The following HNF4G variants were observed in gnomAD, a reference collection of about 807,000 sequenced individuals.
HNF4G encodes the protein hepatocyte nuclear factor 4 gamma.
A neutral mutation model predicts 50.9 loss-of-function variants in HNF4G; 21 were observed. The ratio of observed to expected loss-of-function variants is 0.41; its 90% CI spans 0.29 to 0.59. The LOEUF is 0.59. HNF4G is among the 20% of genes least tolerant of loss of function. The probability of loss-of-function intolerance (pLI) is 0.26; values close to 1 mark genes in which losing one functional copy is unlikely to be tolerated. For missense variants in HNF4G, 527 were observed against 559.4 expected (o/e 0.94, Z 0.58); for synonymous variants, 198 against 185.6 (o/e 1.07, Z -0.54).
intron 2 of HNF4G, among the ~76,000 whole-genome samples, chr8:75,529,968 C>T (rs1341657214): frequency 6.6e-6 from 1 of 152,086 alleles, no homozygotes; most frequent in Non-Finnish European, 1.5e-5. Flanking sequence ...GGCGGTAAGG[C>T]CAGGAGGGTA....
intron 1 of HNF4G, among the ~76,000 whole-genome samples, chr8:75,412,558 T>C (rs1810525239): frequency 6.6e-6 from 1 of 152,174 alleles, no homozygotes; most frequent in Non-Finnish European, 1.5e-5. Flanking sequence ...TTTAAAAGTA[T>C]CATTATTTAA....
Position 75,566,683 on chromosome 8 carries a change from A to G in HNF4G, c.*2587A>G, listed in dbSNP as rs183929234. On this transcript the variant is annotated 3_prime_UTR_variant, in exon 10 of 10. Coordinates refer to ENST00000396423, the MANE Select transcript of HNF4G (RefSeq NM_004133.5). Reference sequence around the variant, plus strand: ...TATTGTGAAATAATTCATTTTATAAATGTATAATTATTTTTATAAATTTTA... The same window carrying G: ...TATTGTGAAATAATTCATTTTATAAGTGTATAATTATTTTTATAAATTTTA... 2.0e-5 allele frequency: 3 copies of G among 152,470 alleles called. No homozygotes were observed. Among genetic ancestry groups the G allele is most frequent in the Admixed American group, 2.0e-4 (3 of 15,290 alleles). The allele number at this position is 152,470 out of a possible 1,614,324, so 9.4% of individuals were successfully genotyped here.
intron 1 of HNF4G, among the ~76,000 whole-genome samples, chr8:75,408,935 G>GT (rs1810427645): frequency 6.6e-6 from 1 of 152,164 alleles, no homozygotes; most frequent in African/African-American, 2.4e-5. Flanking sequence ...AATTTTACAG[G>GT]TTTCCCTTCT....
chr8:75,488,355 C>A (rs570825631), intron 1 of HNF4G, among the ~76,000 whole-genome samples: 137 of 152,190 alleles, frequency 9.0e-4, no homozygotes, highest in Non-Finnish European at 1.6e-3. Context: ...CTCACTGCAA[C>A]CTTTGCCTCC....
intron 1 of HNF4G, among the ~76,000 whole-genome samples, chr8:75,422,834 C>A (rs71529205): frequency 0.044 from 6,680 of 152,160 alleles, 194 homozygotes; most frequent in Non-Finnish European, 0.062. Flanking sequence ...CGGGGTTTCA[C>A]CGTGTTAGCC....
At chr8:75,411,323 T>G (rs1410178809) in intron 1 of HNF4G, among the ~76,000 whole-genome samples, 1 of 152,228 alleles carries the variant, frequency 6.6e-6, no homozygotes, top group Non-Finnish European at 1.5e-5. Flanking sequence ...GGGAAGGCAC[T>G]TTTCTAGGCC....
At chr8:75,445,726 C>G (rs1461272930) in intron 1 of HNF4G, among the ~76,000 whole-genome samples, 1 of 142,170 alleles carries the variant, frequency 7.0e-6, no homozygotes. Flanking sequence ...CAAGACTAAA[C>G]CAGGAAGAAG....
chr8:75,441,800 C>T (rs1811293090), intron 1 of HNF4G, among the ~76,000 whole-genome samples: 1 of 152,202 alleles, frequency 6.6e-6, no homozygotes, highest in African/African-American at 2.4e-5. Flanking sequence ...AATCAGCGAA[C>T]TGGCTTGGGT....
At chr8:75,530,834 C>G (rs918734007) in intron 2 of HNF4G, among the ~76,000 whole-genome samples, 2 of 147,156 alleles carry the variant, frequency 1.4e-5, no homozygotes, top group Non-Finnish European at 3.0e-5. Flanking sequence ...ACTCTGTCAC[C>G]CAGGCTGGAG....
At chr8:75,560,075 G>A (rs971784458) in intron 8 of HNF4G, among the ~76,000 whole-genome samples, 2 of 152,094 alleles carry the variant, frequency 1.3e-5, no homozygotes, top group Admixed American at 6.6e-5. Flanking sequence ...TTAACAACAG[G>A]CAGCGAACCT....
chr8:75,493,100 T>C (rs978548022), intron 2 of HNF4G, among the ~76,000 whole-genome samples: 1 of 152,132 alleles, frequency 6.6e-6, no homozygotes, highest in Non-Finnish European at 1.5e-5. Context: ...TAAATATGTG[T>C]AAAAATATGT....
intron 2 of HNF4G, among the ~76,000 whole-genome samples, chr8:75,547,090 C>T (rs1304199196): frequency 2.0e-5 from 3 of 152,092 alleles, no homozygotes; most frequent in African/African-American, 4.8e-5. Context: ...GCCAACTGTA[C>T]TCTCAATGTT....
At chr8:75,426,862 C>T (rs975285339) in intron 1 of HNF4G, among the ~76,000 whole-genome samples, 3 of 152,118 alleles carry the variant, frequency 2.0e-5, no homozygotes, top group Non-Finnish European at 4.4e-5. Flanking sequence ...GTATTACAGT[C>T]GCTTGTTAAA....
At chr8:75,435,774 A>G (rs1358070128) in intron 1 of HNF4G, among the ~76,000 whole-genome samples, 1 of 152,088 alleles carries the variant, frequency 6.6e-6, no homozygotes, top group African/African-American at 2.4e-5. Context: ...TTGTATTTTT[A>G]GTAGAGACGG....
intron 1 of HNF4G, among the ~76,000 whole-genome samples, chr8:75,477,615 C>T (rs1812268511): frequency 6.6e-6 from 1 of 151,828 alleles, no homozygotes; most frequent in Non-Finnish European, 1.5e-5. Flanking sequence ...TCTGCTAGAC[C>T]TTGCATTTCT....
intron 1 of HNF4G, among the ~76,000 whole-genome samples, chr8:75,433,699 G>A (rs1300830928): frequency 6.6e-6 from 1 of 151,400 alleles, no homozygotes; most frequent in African/African-American, 2.4e-5. Context: ...ACGCTTAACT[G>A]AAGATACAAT....
At chr8:75,414,673 C>T (rs1810589966) in intron 1 of HNF4G, among the ~76,000 whole-genome samples, 1 of 152,138 alleles carries the variant, frequency 6.6e-6, no homozygotes. Flanking sequence ...GCATATTTCA[C>T]TCAGTGTAAT....
chr8:75,500,645 A>T (rs2130703989), intron 2 of HNF4G, among the ~76,000 whole-genome samples: 1 of 152,274 alleles, frequency 6.6e-6, no homozygotes, highest in Admixed American at 6.5e-5. Context: ...TGGATAAGAA[A>T]ATGGGTTATA....
Position 75,565,667 on chromosome 8 carries a change from A to G in HNF4G, c.*1571A>G, listed in dbSNP as rs1002604708. ...CGAGTAATTATCAATAATTTTTTTT[A>G]AAAAGAGGATCCCAAACTGTAAAAG... On this transcript the variant is annotated 3_prime_UTR_variant, in exon 10 of 10. Coordinates refer to ENST00000396423, the MANE Select transcript of HNF4G (RefSeq NM_004133.5). The G allele has an allele frequency of 6.6e-6, 1 of 152,110 alleles. No homozygotes were observed. The highest frequency in any genetic ancestry group is 2.4e-5 in the African/African-American group (1 of 41,438). The allele number at this position is 152,110 out of a possible 1,614,324, so 9.4% of individuals were successfully genotyped here. A position where few individuals can be genotyped will look rare whatever the true frequency, so the allele number is the denominator to read the frequency against.
Sources: allele counts gnomAD v4.1 joint callset (sites outside exome capture counted in the v4.1 genomes callset), GRCh38; gene constraint gnomAD v4.1.1; transcripts MANE v1.5; gene names NCBI Gene and HGNC (gene_info 2026-07-23, HGNC 2026-07-21).